The following GRM8 variants were observed in gnomAD, a reference collection of about 807,000 sequenced individuals.
GRM8 encodes glutamate metabotropic receptor 8.
A neutral mutation model predicts 87.2 loss-of-function variants in GRM8; 47 were observed. The observed-to-expected ratio is 0.54, with a 90% CI of 0.43 to 0.69. The LOEUF (loss-of-function observed/expected upper bound fraction) is 0.69. Among genes scored for constraint, GRM8 ranks in the 30% least tolerant of loss-of-function variants. The pLI is 0.00. For missense variants in GRM8, 1,019 were observed against 1,139.2 expected, an observed-to-expected ratio of 0.89 and a Z score of 1.52; for synonymous variants, 396 against 404.5, an observed-to-expected ratio of 0.98 and a Z score of 0.25.
At chr7:126,594,183 T>G (rs1796946414) in intron 8 of GRM8, among the ~76,000 whole-genome samples, 1 of 151,964 alleles carries the variant, frequency 6.6e-6, no homozygotes, top group South Asian at 2.1e-4. Flanking sequence ...ATATGAAGAT[T>G]CCTCAAAAAA....
At chr7:126,722,895 A>ATATATATATAATTATATATATAATATGTT (rs5741662) in intron 7 of GRM8, among the ~76,000 whole-genome samples, 1 of 143,996 alleles carries the variant, frequency 6.9e-6, no homozygotes, top group African/African-American at 2.6e-5. Context: ...TGTGAAAAAA[A>ATATATATATAATTATATATATAATATGTT]ATATATATAA....
chr7:126,894,933 C>T (rs1186395458), intron 6 of GRM8, among the ~76,000 whole-genome samples: 1 of 152,068 alleles, frequency 6.6e-6, no homozygotes, highest in Admixed American at 6.6e-5. Flanking sequence ...CTCCTCCACT[C>T]TATGTGTATT....
At chr7:126,889,801 T>C (rs1800828616) in intron 6 of GRM8, among the ~76,000 whole-genome samples, 1 of 152,124 alleles carries the variant, frequency 6.6e-6, no homozygotes. Context: ...AGAATTTCTA[T>C]ATAAAAACAA....
At chr7:126,680,398 A>G (rs1361009904) in intron 7 of GRM8, among the ~76,000 whole-genome samples, 1 of 152,212 alleles carries the variant, frequency 6.6e-6, no homozygotes, top group Non-Finnish European at 1.5e-5. Context: ...AATAATTGAG[A>G]CTTGCTTTTT....
chr7:126,828,615 C>A (rs960220828), intron 6 of GRM8, among the ~76,000 whole-genome samples: 5 of 151,922 alleles, frequency 3.3e-5, no homozygotes, highest in Non-Finnish European at 5.9e-5. Flanking sequence ...CTTTATTAGT[C>A]TTGCTAGCAG....
At chr7:126,559,428 C>T (rs1457305076) in intron 8 of GRM8, among the ~76,000 whole-genome samples, 1 of 152,070 alleles carries the variant, frequency 6.6e-6, no homozygotes, top group East Asian at 1.9e-4. Flanking sequence ...CCACCTCGGC[C>T]TCTCAAAGTG....
At chr7:126,892,911 GT>G (rs1563289416) in intron 6 of GRM8, among the ~76,000 whole-genome samples, 1 of 151,910 alleles carries the variant, frequency 6.6e-6, no homozygotes, top group African/African-American at 2.4e-5. Context: ...TTTTTCATGT[GT>G]TTTTTGGCTG....
At position 126,619,382 on chromosome 7, in the gene GRM8, G is replaced by A. The variant is rs1399221996; in HGVS notation, c.1358-9884C>T. On this transcript the variant is annotated intron_variant, in intron 7 of 10. Coordinates refer to ENST00000339582, the MANE Select transcript of GRM8 (RefSeq NM_000845.3). ...CACACTGGGGCCTGTTGTGGGGTGA[G>A]GGAAGTGGGGAGGGAAAGCATTAAG... 2.0e-5 allele frequency among the ~76,000 whole-genome samples: 3 copies of A among 152,106 alleles called. No homozygotes were observed. In the East Asian group the frequency reaches 5.8e-4, roughly 29 times the overall value.
At chr7:126,770,435 C>T (rs974145567) in intron 6 of GRM8, among the ~76,000 whole-genome samples, 1 of 152,056 alleles carries the variant, frequency 6.6e-6, no homozygotes, top group African/African-American at 2.4e-5. Context: ...TGTCTCAGCT[C>T]CAGGAGTGTC....
intron 6 of GRM8, among the ~76,000 whole-genome samples, chr7:126,772,824 G>T (rs1446678731): frequency 6.6e-6 from 1 of 152,034 alleles, no homozygotes; most frequent in Non-Finnish European, 1.5e-5. Flanking sequence ...GATGACAAGG[G>T]TAGAAGCCAG....
intron 3 of GRM8, among the ~76,000 whole-genome samples, chr7:127,029,132 G>C (rs568030708): frequency 3.9e-5 from 6 of 152,150 alleles, no homozygotes; most frequent in African/African-American, 1.4e-4. Context: ...CAGTTTCCAT[G>C]TATCTGTGTG....
At chr7:126,973,105 A>C (rs1484601930) in intron 3 of GRM8, among the ~76,000 whole-genome samples, 4 of 152,174 alleles carry the variant, frequency 2.6e-5, no homozygotes, top group African/African-American at 9.7e-5. Flanking sequence ...AGTGGTCTTA[A>C]TAGGTCTAAT....
intron 9 of GRM8, among the ~76,000 whole-genome samples, chr7:126,493,544 T>C (rs534113489): frequency 1.2e-4 from 19 of 152,186 alleles, no homozygotes; most frequent in Admixed American, 9.2e-4. Context: ...TTGAAAATTC[T>C]ATGGCAACCA....
At chr7:126,718,253 A>G (rs1265015693) in intron 7 of GRM8, among the ~76,000 whole-genome samples, 1 of 151,886 alleles carries the variant, frequency 6.6e-6, no homozygotes, top group Non-Finnish European at 1.5e-5. Flanking sequence ...TAATAATAAT[A>G]ACTTCAGTGT....
chr7:127,036,309 G>C (rs561408684), intron 3 of GRM8, among the ~76,000 whole-genome samples: 3 of 152,240 alleles, frequency 2.0e-5, no homozygotes, highest in Admixed American at 1.3e-4. Context: ...GTATCTTTCT[G>C]TTCAGTCGCA....
chr7:126,786,286 C>G (rs1007529896), intron 6 of GRM8, among the ~76,000 whole-genome samples: 1 of 152,164 alleles, frequency 6.6e-6, no homozygotes, highest in Non-Finnish European at 1.5e-5. Flanking sequence ...CTGAGTACCT[C>G]TTTTCTAGTT....
At chr7:126,510,121 C>T (rs564108666) in intron 9 of GRM8, among the ~76,000 whole-genome samples, 7 of 152,050 alleles carry the variant, frequency 4.6e-5, no homozygotes, top group African/African-American at 9.6e-5. Flanking sequence ...CACAAAGTTG[C>T]GGCATGCTTT....
chr7:126,780,623 G>A (rs1819954550), intron 6 of GRM8, among the ~76,000 whole-genome samples: 1 of 152,152 alleles, frequency 6.6e-6, no homozygotes, highest in South Asian at 2.1e-4. Flanking sequence ...CAGGATGACA[G>A]CAGTGGCAAA....
intron 7 of GRM8, among the ~76,000 whole-genome samples, chr7:126,638,833 T>A (rs75100913): frequency 0.023 from 3,429 of 152,318 alleles, 120 homozygotes; most frequent in African/African-American, 0.079. Context: ...TATACCAGGT[T>A]CTTCACCAAG....
Sources: gnomAD v4.1 joint callset for allele counts (sites outside exome capture counted in the v4.1 genomes callset) on GRCh38, gnomAD v4.1.1 for gene constraint, MANE v1.5 for transcripts, NCBI Gene and HGNC (gene_info 2026-07-23, HGNC 2026-07-21) for gene names.